NFE2L3: variants seen among roughly 807,000 people sequenced by gnomAD.
NFE2L3 encodes NFE2 like bZIP transcription factor 3.
A neutral mutation model predicts 23.5 loss-of-function variants in NFE2L3; 18 were observed. The ratio of observed to expected loss-of-function variants is 0.77; its 90% CI spans 0.53 to 1.13. The LOEUF (loss-of-function observed/expected upper bound fraction) is 1.13, where lower values mean the gene tolerates loss of function less well. Ranked by LOEUF, NFE2L3 falls within the 50% of genes most tolerant of loss-of-function variation. NFE2L3 has a pLI of 0.00. For missense variants in NFE2L3, 1,152 were observed against 877.2 expected (o/e 1.31, Z -3.96); for synonymous variants, 424 against 354.5 (o/e 1.20, Z -2.20).
intron 2 of NFE2L3, among the ~76,000 whole-genome samples, chr7:26,180,776 C>A (rs1329733402): frequency 2.6e-5 from 4 of 151,968 alleles, no homozygotes; most frequent in African/African-American, 7.2e-5. Flanking sequence ...AAGTAGGGAG[C>A]TTCCTTGGAG....
chr7:26,154,495 G>A (rs1409742247), intron 1 of NFE2L3, among the ~76,000 whole-genome samples: 8 of 152,180 alleles, frequency 5.3e-5, no homozygotes, highest in African/African-American at 1.4e-4. Context: ...TCAGTCCTCG[G>A]AAACTTCCCT....
At chr7:26,171,140 C>G (rs116443011) in intron 1 of NFE2L3, among the ~76,000 whole-genome samples, 2,991 of 152,264 alleles carry the variant, frequency 0.02, 103 homozygotes, top group African/African-American at 0.069. Flanking sequence ...ATCCATTGAC[C>G]CAGCATAAAT....
intron 2 of NFE2L3, among the ~76,000 whole-genome samples, chr7:26,179,728 AAC>A (rs2128099770): frequency 6.6e-6 from 1 of 152,084 alleles, no homozygotes; most frequent in East Asian, 1.9e-4. Context: ...TCCAAAACAA[AAC>A]ACACTGGGCT....
chr7:26,153,955 C>A (rs1784040634), intron 1 of NFE2L3, among the ~76,000 whole-genome samples: 1 of 152,160 alleles, frequency 6.6e-6, no homozygotes, highest in Admixed American at 6.5e-5. Context: ...CAACTGGTAA[C>A]GATCAACCAG....
intron 1 of NFE2L3, among the ~76,000 whole-genome samples, chr7:26,156,079 C>T (rs998317055): frequency 6.6e-5 from 10 of 152,198 alleles, no homozygotes; most frequent in African/African-American, 2.4e-4. Context: ...CCCAGACTGC[C>T]TGGTTTTGAA....
chr7:26,178,772 G>A (rs752090498), intron 2 of NFE2L3, among the ~76,000 whole-genome samples: 6 of 152,158 alleles, frequency 3.9e-5, no homozygotes, highest in Non-Finnish European at 8.8e-5. Context: ...CTTCAGCCCT[G>A]CTGAGGTCCT....
chr7:26,157,617 C>G (rs1195399419), intron 1 of NFE2L3, among the ~76,000 whole-genome samples: 1 of 152,170 alleles, frequency 6.6e-6, no homozygotes, highest in East Asian at 1.9e-4. Flanking sequence ...CGGAAATAGT[C>G]TTATAATTAC....
At chr7:26,154,095 A>G (rs1784046336) in intron 1 of NFE2L3, among the ~76,000 whole-genome samples, 1 of 152,132 alleles carries the variant, frequency 6.6e-6, no homozygotes. Context: ...TTGCCAGACA[A>G]GCTTCTCCAC....
intron 1 of NFE2L3, among the ~76,000 whole-genome samples, chr7:26,154,005 G>A (rs1010290679): frequency 6.6e-6 from 1 of 152,152 alleles, no homozygotes; most frequent in Non-Finnish European, 1.5e-5. Context: ...GTTTTTGTGG[G>A]GCGCATTCTT....
At chr7:26,177,831 T>C in intron 1 of NFE2L3, 112 bp from the exon 2 acceptor site, 1 of 898,018 alleles carries the variant, frequency 1.1e-6, no homozygotes. Context: ...ACTGAAATAT[T>C]GAAATGCCGG....
At chr7:26,170,288 C>T (rs1250744117) in intron 1 of NFE2L3, among the ~76,000 whole-genome samples, 1 of 152,200 alleles carries the variant, frequency 6.6e-6, no homozygotes, top group Non-Finnish European at 1.5e-5. Context: ...CCTTCCTTCC[C>T]TTGGCTCTTT....
At position 26,185,808 on chromosome 7, in the gene NFE2L3, T is replaced by A; in HGVS notation, c.*25T>A. 1 of 1,546,898 alleles carries A rather than the reference T, an allele frequency of 6.5e-7. No homozygotes were observed. On this transcript the variant is annotated 3_prime_UTR_variant, in exon 4 of 4. Transcript: ENST00000056233. ...AGAAGAAACTGAAGATGGACTCTAT[T>A]ATGTGAAGTAGTAATGTTCAGAAAC...
intron 2 of NFE2L3, among the ~76,000 whole-genome samples, chr7:26,181,902 T>G (rs1302544651): frequency 6.6e-6 from 1 of 152,040 alleles, no homozygotes; most frequent in African/African-American, 2.4e-5. Context: ...GGAAGAAAGA[T>G]CTAAGAAAAT....
intron 1 of NFE2L3, among the ~76,000 whole-genome samples, chr7:26,175,858 T>C (rs562748163): frequency 1.0e-4 from 15 of 149,656 alleles, no homozygotes; most frequent in East Asian, 1.9e-4. Flanking sequence ...CTTTTCTTTT[T>C]TTTTTTTTTT....
At chr7:26,166,835 G>A (rs913928532) in intron 1 of NFE2L3, among the ~76,000 whole-genome samples, 5 of 152,178 alleles carry the variant, frequency 3.3e-5, no homozygotes, top group South Asian at 4.1e-4. Flanking sequence ...TCCCTCTGAC[G>A]TCATCCTTCT....
rs144789579 is a variant in NFE2L3, at chr7:26,185,559, A to G, written c.1861A>G (p.Lys621Glu). Residue 621 changes from lysine to glutamate, a missense_variant, in exon 4 of 4, where the codon AAG (lysine) becomes GAG (glutamate). Lys to Glu is a moderately conservative substitution (Grantham distance 56). Transcript: ENST00000056233. ...CTTGCAAGCAAAGAAGGAAACTCTT[A>G]AGAGAGAGCAAGCACAATGTAACAA... is the stretch of plus-strand genomic sequence containing the variant. ...CNLQAKKETL[K>E]REQAQCNKAI... 1.5e-3 allele frequency: 2,450 copies of G among 1,612,886 alleles called. 37 individuals carry two copies. The East Asian group carries it at 0.034, about 23-fold the overall frequency.
At chr7:26,184,378 T>C in intron 3 of NFE2L3, 155 bp from the exon 4 acceptor site, 1 of 633,640 alleles carries the variant, frequency 1.6e-6, no homozygotes. Flanking sequence ...TCGTATTGTA[T>C]TGCCTGTATT....
intron 1 of NFE2L3, among the ~76,000 whole-genome samples, chr7:26,172,289 A>C (rs1385592774): frequency 6.6e-6 from 1 of 152,238 alleles, no homozygotes; most frequent in Non-Finnish European, 1.5e-5. Flanking sequence ...TATAATTTCA[A>C]ACTTTTAAAA....
chr7:26,180,488 A>G (rs1290918345), intron 2 of NFE2L3, among the ~76,000 whole-genome samples: 1 of 152,230 alleles, frequency 6.6e-6, no homozygotes, highest in Non-Finnish European at 1.5e-5. Context: ...ATCATTACCC[A>G]TGGACTTTTA....
Sources: gnomAD v4.1 joint callset for allele counts (sites outside exome capture counted in the v4.1 genomes callset) on GRCh38, gnomAD v4.1.1 for gene constraint, MANE v1.5 for transcripts, NCBI Gene and HGNC (gene_info 2026-07-23, HGNC 2026-07-21) for gene names.